Variants in KIAA1217 observed in about 807,000 individuals in gnomAD.
KIAA1217 encodes the protein sickle tail protein homolog.
Under a neutral mutation model 163.9 loss-of-function variants are expected in KIAA1217, and 88 were observed. That is an observed-to-expected ratio of 0.54 (90% confidence interval 0.45 to 0.64). The LOEUF (loss-of-function observed/expected upper bound fraction) is 0.64, where lower values mean the gene tolerates loss of function less well. Ranked by LOEUF, KIAA1217 falls within the 30% of genes least tolerant of loss-of-function variation. The pLI is 0.00. For missense variants in KIAA1217, 2,372 were observed against 2,475.0 expected (o/e 0.96, Z 0.88); for synonymous variants, 903 against 923.1 (o/e 0.98, Z 0.39).
At chr10:24,201,887 C>G (rs1186314973) in intron 2 of KIAA1217, among the ~76,000 whole-genome samples, 1 of 151,896 alleles carries the variant, frequency 6.6e-6, no homozygotes, top group Non-Finnish European at 1.5e-5. Context: ...CTTTGAGTCT[C>G]TGGACACCCC....
chr10:24,382,893 G>A (rs1035052205), intron 3 of KIAA1217, among the ~76,000 whole-genome samples: 4 of 145,612 alleles, frequency 2.7e-5, no homozygotes, highest in Non-Finnish European at 6.0e-5. Flanking sequence ...TGTCACCCAG[G>A]CTGGAGTGCA....
intron 2 of KIAA1217, among the ~76,000 whole-genome samples, chr10:24,046,070 A>G (rs1848998538): frequency 6.6e-6 from 1 of 151,356 alleles, no homozygotes; most frequent in Admixed American, 6.6e-5. Flanking sequence ...CTGACCCTAA[A>G]TTGTTTTGTC....
chr10:24,123,641 G>A (rs1407329545), intron 2 of KIAA1217, among the ~76,000 whole-genome samples: 1 of 152,124 alleles, frequency 6.6e-6, no homozygotes, highest in Non-Finnish European at 1.5e-5. Flanking sequence ...CACCTAAGGA[G>A]CTTTTTAAAA....
intron 3 of KIAA1217, among the ~76,000 whole-genome samples, chr10:24,386,722 C>T (rs2054060870): frequency 6.6e-6 from 1 of 152,044 alleles, no homozygotes; most frequent in African/African-American, 2.4e-5. Context: ...TACAAGTGCA[C>T]ACCACCATGC....
At chr10:23,959,657 G>T (rs4282897) in intron 1 of KIAA1217, among the ~76,000 whole-genome samples, 137,193 of 152,222 alleles carry the variant, frequency 0.9, 62,097 homozygotes, top group East Asian at 1. Flanking sequence ...TGTATTTTTA[G>T]GCTAAATTTG....
At chr10:23,971,990 C>T (rs1003874065) in intron 1 of KIAA1217, among the ~76,000 whole-genome samples, 2 of 152,200 alleles carry the variant, frequency 1.3e-5, no homozygotes, top group Non-Finnish European at 2.9e-5. Context: ...GTCCCCACTT[C>T]AAGTTTTCCC....
intron 13 of KIAA1217, among the ~76,000 whole-genome samples, chr10:24,526,204 T>C (rs1564864240): frequency 6.6e-6 from 1 of 152,070 alleles, no homozygotes; most frequent in Non-Finnish European, 1.5e-5. Context: ...AGGTTGGGTA[T>C]ATCGAGACGA....
At chr10:23,847,455 G>A (rs1409049632) in intron 1 of KIAA1217, among the ~76,000 whole-genome samples, 1 of 152,168 alleles carries the variant, frequency 6.6e-6, no homozygotes, top group Non-Finnish European at 1.5e-5. Context: ...TTAAACTCGG[G>A]AGGGTGTATG....
At chr10:24,338,741 G>A (rs2046705823) in intron 2 of KIAA1217, among the ~76,000 whole-genome samples, 1 of 152,030 alleles carries the variant, frequency 6.6e-6, no homozygotes, top group Admixed American at 6.5e-5. Context: ...GTCAATTTGA[G>A]GCATTTTAAG....
chr10:24,399,767 C>A lies in KIAA1217; in HGVS notation c.553+18700C>A, dbSNP rs541307719. On this transcript the variant is annotated intron_variant, in intron 3 of 20. Transcript: ENST00000376454. ...GGAAAGAATGAGTATCAGAAGATTT[C>A]TAGCAATATAGCAGCATGAGGGATC... Among the ~76,000 whole-genome samples the A allele has an allele frequency of 1.1e-4, 16 of 152,282 alleles. No homozygotes were observed. In the East Asian group the frequency reaches 3.1e-3, roughly 29 times the overall value.
intron 2 of KIAA1217, among the ~76,000 whole-genome samples, chr10:24,132,191 A>C (rs2063677675): frequency 6.6e-6 from 1 of 152,166 alleles, no homozygotes; most frequent in South Asian, 2.1e-4. Flanking sequence ...TTCTGCCTTC[A>C]TCCCATTGGC....
At chr10:24,256,328 A>G (rs1383675396) in intron 2 of KIAA1217, among the ~76,000 whole-genome samples, 2 of 152,146 alleles carry the variant, frequency 1.3e-5, no homozygotes, top group African/African-American at 4.8e-5. Flanking sequence ...TGAGAAGTTA[A>G]CTAACTGTCT....
At chr10:24,342,652 ATTTTTTT>A (rs11299912) in intron 2 of KIAA1217, among the ~76,000 whole-genome samples, 73 of 93,496 alleles carry the variant, frequency 7.8e-4, no homozygotes, top group African/African-American at 2.5e-3. Context: ...ATACAACTCA[ATTTTTTT>A]TTTTTTTTTT....
intron 1 of KIAA1217, among the ~76,000 whole-genome samples, chr10:23,977,989 A>C (rs556849727): frequency 6.6e-6 from 1 of 152,198 alleles, no homozygotes; most frequent in Non-Finnish European, 1.5e-5. Context: ...TGCAGCTCCT[A>C]GTAATTGTAG....
chr10:24,172,684 C>A lies in KIAA1217; in HGVS notation c.-170-46942C>A, dbSNP rs143566914. The stretch of plus-strand genomic sequence containing the variant: ...ATCACTAGTACCAACATTGAAATAA[C>A]CTGTTGAAGATCTGAAGGACACAGT... On this transcript the variant is annotated intron_variant, in intron 2 of 18. Transcript: ENST00000376462. 5.6e-3 allele frequency among the ~76,000 whole-genome samples: 848 copies of A among 152,272 alleles called. 7 individuals are homozygous for A. Among genetic ancestry groups the A allele is most frequent in the African/African-American group, 0.02 (822 of 41,548 alleles).
chr10:23,989,143 C>T (rs1179316973), intron 1 of KIAA1217, among the ~76,000 whole-genome samples: 1 of 152,068 alleles, frequency 6.6e-6, no homozygotes, highest in Non-Finnish European at 1.5e-5. Flanking sequence ...CTTCAGATTG[C>T]AACAACAAAA....
chr10:23,826,155 T>A (rs957117149), intron 1 of KIAA1217, among the ~76,000 whole-genome samples: 7 of 152,154 alleles, frequency 4.6e-5, no homozygotes, highest in Non-Finnish European at 1.0e-4. Flanking sequence ...CTAGTTATGT[T>A]TGAATTTTTT....
chr10:23,954,623 G>C (rs1187768449), intron 1 of KIAA1217, among the ~76,000 whole-genome samples: 1 of 151,700 alleles, frequency 6.6e-6, no homozygotes, highest in African/African-American at 2.4e-5. Flanking sequence ...AGCCAGGAAA[G>C]AAGGAAGGAG....
In KIAA1217 at chr10:23,811,276, A is replaced by G. The variant is rs193284449; in HGVS notation, c.-321+116042A>G. Among the ~76,000 whole-genome samples, 722 of 145,710 alleles carry G rather than the reference A, an allele frequency of 5.0e-3. 3 individuals are homozygous for G. Among genetic ancestry groups the G allele is most frequent in the African/African-American group, 0.017 (686 of 39,984 alleles). ...TATATATAATATAGTATCTATATAT[A>G]GATTATACATAGCATATATAGTATG... On this transcript the variant is annotated intron_variant, in intron 1 of 18. Coordinates refer to the KIAA1217 transcript ENST00000376462.
Sources: allele counts gnomAD v4.1 joint callset (sites outside exome capture counted in the v4.1 genomes callset), GRCh38; gene constraint gnomAD v4.1.1; transcripts MANE v1.5; gene names NCBI Gene and HGNC (gene_info 2026-07-23, HGNC 2026-07-21).